SH2D6: variants seen among roughly 807,000 people sequenced by gnomAD.
The protein encoded by SH2D6 is SH2 domain-containing protein 6.
In SH2D6, 31 loss-of-function variants were observed where a neutral mutation model predicts 30.2. The observed-to-expected ratio is 1.03, with a 90% CI of 0.77 to 1.38. SH2D6 has a LOEUF of 1.38. Among genes scored for constraint, SH2D6 ranks in the 40% most tolerant of loss-of-function variants. The pLI, the probability that SH2D6 is intolerant of heterozygous loss-of-function variation, is 0.00. For missense variants in SH2D6, 240 were observed against 266.8 expected (o/e 0.90, Z 0.70); for synonymous variants, 93 against 104.6 (o/e 0.89, Z 0.68).
intron 22 of SH2D6, 124 bp downstream of exon 22, chr2:85,435,948 A>C: frequency 3.9e-6 from 5 of 1,296,442 alleles, no homozygotes; most frequent in Non-Finnish European, 5.1e-6. Context: ...CAGAAATGAC[A>C]GAGCCCAGAG....
intron 5 of SH2D6, 76 bp downstream of exon 5, chr2:85,422,766 G>C (rs1172794119): frequency 2.0e-5 from 3 of 152,402 alleles, no homozygotes; most frequent in Admixed American, 2.0e-4. Flanking sequence ...CTGTGCCCTA[G>C]AGGCTGGGGA....
chr2:85,425,668 C>A (rs1437924130), intron 6 of SH2D6, among the ~76,000 whole-genome samples: 1 of 152,234 alleles, frequency 6.6e-6, no homozygotes, highest in Non-Finnish European at 1.5e-5. Flanking sequence ...GCATCTCCAG[C>A]AGGGCTAGAG....
chr2:85,434,894 G>T, intron 19 of SH2D6, 171 bp from the exon 20 acceptor site: 1 of 1,576,670 alleles, frequency 6.3e-7, no homozygotes, highest in Non-Finnish European at 8.6e-7. Flanking sequence ...GGTGGGTCCT[G>T]CCAGGGCACT....
chr2:85,435,781 G>A lies in SH2D6; in HGVS notation c.848G>A (p.Gly283Glu), dbSNP rs758523617. 1 of 1,606,002 alleles carries A rather than the reference G, an allele frequency of 6.2e-7. No homozygotes were observed. Among genetic ancestry groups the A allele is most frequent in the Non-Finnish European group, 8.5e-7 (1 of 1,176,424 alleles). ...FNIPIRRLDG[G>E]RHYALGREGR... The stretch of plus-strand genomic sequence containing the variant: ...ATTCCCATCCGGCGGCTGGATGGCG[G>A]ACGCCACTATGCCCTGGGCCGGGAG... The change falls in exon 22 of 24, where the codon GGA (glycine) becomes GAA (glutamate). Residue 283 changes from glycine (G) to glutamate (E), a missense_variant. Gly to Glu is a moderately conservative substitution (Grantham distance 98, BLOSUM62 -2). Coordinates refer to ENST00000469800, the MANE Select transcript of SH2D6 (RefSeq NM_001394463.1).
chr2:85,420,044 G>A (rs1302955817), intron 2 of SH2D6, among the ~76,000 whole-genome samples: 2 of 152,160 alleles, frequency 1.3e-5, no homozygotes, highest in Non-Finnish European at 2.9e-5. Flanking sequence ...GAAACTTGGA[G>A]ACAGCTATTG....
chr2:85,434,996 C>T lies in SH2D6; in HGVS notation c.590-69C>T, dbSNP rs1244559251. On this transcript the variant is annotated intron_variant, in intron 19 of 23. Transcript: ENST00000469800. Reference sequence around the variant, plus strand: ...TACCCCCCACCCCCGCAGCTGTCCCCTAGAAGCCACCTTTGCCCACCCCCA... The same window carrying T: ...TACCCCCCACCCCCGCAGCTGTCCCTTAGAAGCCACCTTTGCCCACCCCCA... 16 of 1,549,306 alleles carry T rather than the reference C, an allele frequency of 1.0e-5. No individual in the cohort carries two copies. The highest frequency in any genetic ancestry group is 1.4e-5 in the Non-Finnish European group (16 of 1,146,528).
At chr2:85,420,306 G>A (rs1230173905) in intron 2 of SH2D6, among the ~76,000 whole-genome samples, 2 of 152,158 alleles carry the variant, frequency 1.3e-5, no homozygotes, top group Non-Finnish European at 2.9e-5. Context: ...TTTTAGTAGA[G>A]ACGGGGTTTC....
chr2:85,420,685 G>A (rs532562815), intron 2 of SH2D6, among the ~76,000 whole-genome samples: 2 of 152,376 alleles, frequency 1.3e-5, no homozygotes. Context: ...AACTTCCCAC[G>A]TTCTTTCGCT....
rs1689516846 is a variant in SH2D6 at position 85,436,825 on chromosome 2, C to T, written c.*13-12C>T. On this transcript the variant is annotated splice_polypyrimidine_tract_variant and intron_variant, in intron 23 of 23. Transcript: ENST00000469800. ...GCCTCTCCAAGGCTGACACCCTCTT[C>T]CTGGCCTCCAGGAATGCAGGTGTCT... 2.1e-6 allele frequency: 1 copy of T among 481,768 alleles called. No individual in the cohort carries two copies. Among genetic ancestry groups the T allele is most frequent in the East Asian group, 3.9e-5 (1 of 25,548 alleles). 29.8% of individuals were successfully genotyped at this position (481,768 alleles called of 1,614,324 possible). A position where few individuals can be genotyped will look rare whatever the true frequency, so the allele number is the denominator to read the frequency against.
chr2:85,421,530 T>C (rs1687750691), intron 2 of SH2D6: 1 of 152,130 alleles, frequency 6.6e-6, no homozygotes, highest in African/African-American at 2.4e-5. Flanking sequence ...CAACAAATAT[T>C]GATTGAGAGC....
intron 6 of SH2D6, among the ~76,000 whole-genome samples, chr2:85,426,874 G>A (rs781203704): frequency 9.2e-5 from 14 of 152,238 alleles, no homozygotes; most frequent in South Asian, 2.1e-4. Flanking sequence ...CCGGGCAGGC[G>A]TCTTGGGGAC....
At chr2:85,427,189 T>C (rs1439568063) in intron 6 of SH2D6, among the ~76,000 whole-genome samples, 2 of 152,200 alleles carry the variant, frequency 1.3e-5, no homozygotes, top group African/African-American at 4.8e-5. Context: ...ATTTGGAGAA[T>C]CACTTTGTGC....
At chr2:85,429,090 A>G (rs1389180210) in intron 7 of SH2D6, among the ~76,000 whole-genome samples, 1 of 152,240 alleles carries the variant, frequency 6.6e-6, no homozygotes, top group East Asian at 1.9e-4. Context: ...GGTTTAAGAA[A>G]AGTGTCTGCA....
At chr2:85,427,328 A>G (rs949104388) in intron 6 of SH2D6, among the ~76,000 whole-genome samples, 1 of 152,234 alleles carries the variant, frequency 6.6e-6, no homozygotes, top group Non-Finnish European at 1.5e-5. Flanking sequence ...GTGTGCACAG[A>G]GCAATTCCAT....
intron 19 of SH2D6, 132 bp from the exon 20 acceptor site, chr2:85,434,933 T>TG: frequency 1.9e-6 from 3 of 1,599,448 alleles, no homozygotes; most frequent in Non-Finnish European, 1.7e-6. Flanking sequence ...AAGCACTGGG[T>TG]GCCGGGGTTT....
rs1199785042 is a variant in SH2D6, at chr2:85,418,746, C to G, written c.-977C>G. 6.6e-6 allele frequency: 1 copy of G among 152,248 alleles called. No individual in the cohort carries two copies. Among genetic ancestry groups the G allele is most frequent in the Non-Finnish European group, 1.5e-5 (1 of 68,056 alleles). The allele number at this position is 152,248 out of a possible 1,614,324, so 9.4% of individuals were successfully genotyped here. A position where few individuals can be genotyped will look rare whatever the true frequency, so the allele number is the denominator to read the frequency against. ...GGGGCCTTGGGTGCTGATCCGGACG[C>G]AAAGATTGCGCCAGCCAGGGTGGGA... On this transcript the variant is annotated 5_prime_UTR_variant, in exon 1 of 24. Transcript: ENST00000469800.
intron 2 of SH2D6, among the ~76,000 whole-genome samples, chr2:85,420,590 G>T (rs183906905): frequency 7.2e-5 from 11 of 152,370 alleles, no homozygotes; most frequent in African/African-American, 2.6e-4. Flanking sequence ...AATCAGCAGG[G>T]TGCAGTTAAA....
Position 85,432,614 on chromosome 2 carries a change from A to G in SH2D6, c.371-485A>G, listed in dbSNP as rs570752361. ...ACGGGGTTTCACCGTGTTAGCCAGG[A>G]TGGTCTCGATCTCCTGACCTCGTGA... On this transcript the variant is annotated intron_variant, in intron 14 of 23. Coordinates refer to ENST00000469800, the MANE Select transcript of SH2D6 (RefSeq NM_001394463.1). 9.2e-3 allele frequency among the ~76,000 whole-genome samples: 1,399 copies of G among 151,834 alleles called. 9 individuals carry two copies. The highest frequency in any genetic ancestry group is 0.031 in the Middle Eastern group (9 of 294).
chr2:85,421,697 G>C (rs1388119752), intron 2 of SH2D6: 2 of 152,158 alleles, frequency 1.3e-5, no homozygotes, highest in East Asian at 3.9e-4. Flanking sequence ...GGAGCTCAGA[G>C]AGCGGGGTAG....
Sources: allele counts gnomAD v4.1 joint callset (sites outside exome capture counted in the v4.1 genomes callset), GRCh38; gene constraint gnomAD v4.1.1; transcripts MANE v1.5; gene names NCBI Gene and HGNC (gene_info 2026-07-23, HGNC 2026-07-21).